The following CAB39L variants were observed in gnomAD, a reference collection of about 807,000 sequenced individuals.
The protein encoded by CAB39L is calcium-binding protein 39-like.
Under a neutral mutation model 39.1 loss-of-function variants are expected in CAB39L, and 23 were observed. The observed-to-expected ratio is 0.59, with a 90% CI of 0.42 to 0.83. CAB39L has a LOEUF of 0.83. Among genes scored for constraint, CAB39L ranks in the 40% least tolerant of loss-of-function variants. The probability of loss-of-function intolerance (pLI) is 0.00; values close to 1 mark genes in which losing one functional copy is unlikely to be tolerated. For synonymous variants in CAB39L, 126 were observed against 137.2 expected (o/e 0.92, Z 0.57); for missense variants, 366 against 391.9 (o/e 0.93, Z 0.56).
At chr13:49,434,628 G>C (rs1957379355) in intron 1 of CAB39L, among the ~76,000 whole-genome samples, 1 of 152,018 alleles carries the variant, frequency 6.6e-6, no homozygotes, top group Non-Finnish European at 1.5e-5. Context: ...GGGAGGCCGA[G>C]GCAGGAGGAT....
At chr13:49,385,219 T>C (rs1009358113) in intron 3 of CAB39L, among the ~76,000 whole-genome samples, 1 of 152,234 alleles carries the variant, frequency 6.6e-6, no homozygotes, top group African/African-American at 2.4e-5. Context: ...CCTGCACTTT[T>C]ATGTTCTGGA....
intron 8 of CAB39L, among the ~76,000 whole-genome samples, chr13:49,342,442 C>CA (rs201944546): frequency 1.3e-5 from 2 of 151,342 alleles, no homozygotes; most frequent in South Asian, 2.1e-4. Flanking sequence ...TAGATGAAGA[C>CA]AAAAAAAATC....
chr13:49,434,328 A>G (rs1399586212), intron 1 of CAB39L, 105 bp from the exon 2 acceptor site: 1 of 371,848 alleles, frequency 2.7e-6, no homozygotes, highest in African/African-American at 2.1e-5. Context: ...CAAATTTTTA[A>G]TCTCTCTGAA....
At chr13:49,329,857 A>T (rs1166456981) in intron 10 of CAB39L, among the ~76,000 whole-genome samples, 1 of 152,124 alleles carries the variant, frequency 6.6e-6, no homozygotes, top group African/African-American at 2.4e-5. Context: ...AGCAAACTGC[A>T]GAAGTGTTTT....
intron 3 of CAB39L, among the ~76,000 whole-genome samples, chr13:49,417,808 A>G (rs1045527175): frequency 6.6e-6 from 1 of 152,224 alleles, no homozygotes; most frequent in African/African-American, 2.4e-5. Flanking sequence ...TCCAGAAATT[A>G]AAATCTGAGT....
intron 1 of CAB39L, among the ~76,000 whole-genome samples, chr13:49,437,573 T>C (rs531761998): frequency 3.3e-5 from 5 of 152,308 alleles, no homozygotes; most frequent in African/African-American, 1.2e-4. Flanking sequence ...CTGCTACCCC[T>C]AGGTCCTGCA....
chr13:49,317,144 C>A (rs1215608922), intron 10 of CAB39L, among the ~76,000 whole-genome samples: 2 of 152,092 alleles, frequency 1.3e-5, no homozygotes, highest in Admixed American at 1.3e-4. Flanking sequence ...ACAAGTGTAC[C>A]GCATTAGCAG....
chr13:49,377,785 C>T (rs1317562125), intron 4 of CAB39L, among the ~76,000 whole-genome samples: 6 of 93,114 alleles, frequency 6.4e-5, no homozygotes, highest in East Asian at 2.1e-4. Flanking sequence ...CCCAAAGTGC[C>T]GAGATTGCAG....
chr13:49,429,891 T>C lies in CAB39L; in HGVS notation c.-32+3427A>G, dbSNP rs570883744. Among the ~76,000 whole-genome samples, 25 of 152,230 alleles carry C rather than the reference T, an allele frequency of 1.6e-4. 1 individual carries two copies. Among genetic ancestry groups the C allele is most frequent in the Non-Finnish European group, 3.2e-4 (22 of 68,036 alleles). On this transcript the variant is annotated intron_variant, in intron 3 of 10. Transcript: ENST00000409308. Reference sequence around the variant, plus strand: ...TACTATAGTCTTGAGATTTTTCTTATAAAATTTAATAAGTTATTTCTCATA... The same window carrying C: ...TACTATAGTCTTGAGATTTTTCTTACAAAATTTAATAAGTTATTTCTCATA...
In CAB39L at chr13:49,357,781, C is replaced by T. The variant is rs528820247; in HGVS notation, c.395+1933G>A. On this transcript the variant is annotated intron_variant, in intron 6 of 10. Transcript: ENST00000409308. ...TTTCTATGTTGCCACCAGAACTCCT[C>T]ATGTCTAGTCCCTGGATGACTCCAT... is the stretch of plus-strand genomic sequence containing the variant. Among the ~76,000 whole-genome samples, 3 of 152,302 alleles carry T rather than the reference C, an allele frequency of 2.0e-5. No homozygotes were observed. In the South Asian group the frequency reaches 6.2e-4, roughly 32 times the overall value.
At chr13:49,406,215 T>C (rs1956874384) in intron 3 of CAB39L, among the ~76,000 whole-genome samples, 1 of 150,764 alleles carries the variant, frequency 6.6e-6, no homozygotes, top group African/African-American at 2.4e-5. Context: ...TCACCCAGGC[T>C]GGAGTGCAGT....
intron 10 of CAB39L, among the ~76,000 whole-genome samples, chr13:49,311,562 G>GT (rs1358048109): frequency 6.6e-6 from 1 of 152,184 alleles, no homozygotes; most frequent in Non-Finnish European, 1.5e-5. Flanking sequence ...ACCTCCATGG[G>GT]TGTTATGGCC....
chr13:49,312,251 A>T (rs1954016877), intron 10 of CAB39L, among the ~76,000 whole-genome samples: 1 of 152,170 alleles, frequency 6.6e-6, no homozygotes, highest in African/African-American at 2.4e-5. Flanking sequence ...AATTTAGTGT[A>T]GTCTAAGCAG....
chr13:49,441,221 G>GTATATATATATATATATCTA (rs1957513080), intron 1 of CAB39L, among the ~76,000 whole-genome samples: 1 of 121,444 alleles, frequency 8.2e-6, no homozygotes, highest in African/African-American at 3.7e-5. Flanking sequence ...ATGATTTAGT[G>GTATATATATATATATATCTA]TATATATATA....
At position 49,309,841 on chromosome 13, in the gene CAB39L, T is replaced by G. The variant is rs1296640009; in HGVS notation, c.*973A>C. The G allele has an allele frequency of 6.6e-6, 1 of 152,206 alleles. No individual in the cohort carries two copies. The highest frequency in any genetic ancestry group is 1.5e-5 in the Non-Finnish European group (1 of 68,034). 9.4% of individuals were successfully genotyped at this position (152,206 alleles called of 1,614,324 possible). A position where few individuals can be genotyped will look rare whatever the true frequency, so the allele number is the denominator to read the frequency against. On this transcript the variant is annotated 3_prime_UTR_variant, in exon 11 of 11. Transcript: ENST00000409308. ...AATTTATTGATGGATCTGAGAATTT[T>G]TTCACACATGAATCATTTCTCCTTC...
intron 10 of CAB39L, among the ~76,000 whole-genome samples, chr13:49,327,904 A>G (rs769479240): frequency 6.6e-6 from 1 of 152,196 alleles, no homozygotes; most frequent in Non-Finnish European, 1.5e-5. Context: ...TCCTTATTTA[A>G]GGTGGATAAC....
chr13:49,400,361 T>C (rs1276748269), intron 3 of CAB39L, among the ~76,000 whole-genome samples: 3 of 151,956 alleles, frequency 2.0e-5, no homozygotes, highest in Non-Finnish European at 2.9e-5. Context: ...ATTTTAAGAT[T>C]ATACAAAAAA....
At chr13:49,398,470 T>C (rs1259939095) in intron 3 of CAB39L, among the ~76,000 whole-genome samples, 1 of 152,088 alleles carries the variant, frequency 6.6e-6, no homozygotes, top group Non-Finnish European at 1.5e-5. Context: ...TGTCCAAATC[T>C]ACCTGTATCC....
At chr13:49,394,231 A>G (rs1956555664) in intron 3 of CAB39L, among the ~76,000 whole-genome samples, 1 of 152,020 alleles carries the variant, frequency 6.6e-6, no homozygotes, top group Admixed American at 6.5e-5. Context: ...ATCATTAAGG[A>G]AACATACAGA....
Sources: allele counts gnomAD v4.1 joint callset (sites outside exome capture counted in the v4.1 genomes callset), GRCh38; gene constraint gnomAD v4.1.1; transcripts MANE v1.5; gene names NCBI Gene and HGNC (gene_info 2026-07-23, HGNC 2026-07-21).